The following MYO9A variants were observed in gnomAD, a reference collection of about 807,000 sequenced individuals.
MYO9A encodes the protein unconventional myosin-IXa.
MYO9A carries 103 observed loss-of-function variants against 293.3 expected under a neutral mutation model. The observed-to-expected ratio is 0.35, with a 90% CI of 0.30 to 0.41. The LOEUF is 0.41. Among genes scored for constraint, MYO9A ranks in the 10% least tolerant of loss-of-function variants. The pLI is 1.00. For missense variants in MYO9A, 2,685 were observed against 3,033.0 expected, an observed-to-expected ratio of 0.89 and a Z score of 2.69; for synonymous variants, 1,001 against 1,035.7, an observed-to-expected ratio of 0.97 and a Z score of 0.64.
intron 13 of MYO9A, 33 bp from the exon 14 acceptor site, chr15:71,960,129 G>GAA: frequency 6.4e-7 from 1 of 1,559,282 alleles, no homozygotes; most frequent in Non-Finnish European, 8.8e-7. Context: ...TTACTTATGG[G>GAA]AAAAAAAAAT....
intron 2 of MYO9A, among the ~76,000 whole-genome samples, chr15:72,037,104 G>A (rs1216564142): frequency 6.6e-6 from 1 of 151,564 alleles, no homozygotes; most frequent in African/African-American, 2.4e-5. Context: ...GGTGTCATAA[G>A]GACTTTCTTG....
intron 10 of MYO9A, among the ~76,000 whole-genome samples, chr15:71,991,597 A>G (rs2076543604): frequency 6.6e-6 from 1 of 152,216 alleles, no homozygotes; most frequent in Admixed American, 6.5e-5. Flanking sequence ...ATGAAGGATC[A>G]AGAGAGGTAG....
At chr15:72,046,685 T>G in intron 1 of MYO9A, 51 bp from the exon 2 acceptor site, 2 of 1,230,500 alleles carry the variant, frequency 1.6e-6, no homozygotes, top group Non-Finnish European at 2.2e-6. Flanking sequence ...CATTGCTTTC[T>G]GATGCTCAAG....
chr15:71,926,258 C>G (rs7170461), intron 18 of MYO9A, among the ~76,000 whole-genome samples: 3 of 151,844 alleles, frequency 2.0e-5, no homozygotes, highest in Non-Finnish European at 4.4e-5. Flanking sequence ...GGGGGGCATG[C>G]GCAAGGCATG....
At chr15:71,976,474 G>T (rs1317779232) in intron 12 of MYO9A, among the ~76,000 whole-genome samples, 2 of 151,840 alleles carry the variant, frequency 1.3e-5, no homozygotes, top group Non-Finnish European at 2.9e-5. Flanking sequence ...CTTTTTTCTT[G>T]GATTGTTTCT....
intron 28 of MYO9A, among the ~76,000 whole-genome samples, chr15:71,882,935 G>C (rs986536741): frequency 2.0e-5 from 3 of 152,086 alleles, no homozygotes; most frequent in African/African-American, 7.2e-5. Flanking sequence ...CTCCCAAGTA[G>C]CTGGGACTAC....
chr15:72,064,033 C>T (rs2957752), intron 1 of MYO9A, among the ~76,000 whole-genome samples: 143,203 of 152,264 alleles, frequency 0.94, 67,663 homozygotes, highest in South Asian at 0.99. Flanking sequence ...CTGGAGGATA[C>T]TATGTTAAGC....
intron 2 of MYO9A, among the ~76,000 whole-genome samples, chr15:72,037,448 T>G (rs2078088882): frequency 6.6e-6 from 1 of 152,188 alleles, no homozygotes; most frequent in East Asian, 1.9e-4. Context: ...TGTTTTGAAC[T>G]TGAGGTTCTT....
chr15:71,876,824 G>A (rs1417888125), intron 31 of MYO9A, among the ~76,000 whole-genome samples: 1 of 151,992 alleles, frequency 6.6e-6, no homozygotes, highest in African/African-American at 2.4e-5. Flanking sequence ...GCAACATTTG[G>A]GACACGGAAA....
chr15:71,971,123 T>C (rs1212315559), intron 12 of MYO9A, among the ~76,000 whole-genome samples: 2 of 150,822 alleles, frequency 1.3e-5, no homozygotes, highest in Admixed American at 6.6e-5. Flanking sequence ...ATCGTGCCGC[T>C]GCACTCCAGC....
At position 72,022,948 on chromosome 15, in the gene MYO9A, A is replaced by G. The variant is rs1006423109; in HGVS notation, c.999-1931T>C. ...TACAAAGTAGAAAAAGTATTAATTA[A>G]TAACTGTCCCTGAAAAAACCCAGAC... On this transcript the variant is annotated intron_variant, in intron 4 of 41. Transcript: ENST00000356056. Among the ~76,000 whole-genome samples, 4 of 152,182 alleles carry G rather than the reference A, an allele frequency of 2.6e-5. No homozygotes were observed. The South Asian group carries it at 6.2e-4, about 24-fold the overall frequency.
chr15:71,928,027 A>ATATATATATATATAT (rs2058360113), intron 18 of MYO9A, among the ~76,000 whole-genome samples: 3 of 10,754 alleles, frequency 2.8e-4, no homozygotes, highest in Non-Finnish European at 2.6e-4. Flanking sequence ...ATACCTTTCT[A>ATATATATATATATAT]ATATATATAT....
At chr15:72,009,545 CAA>C (rs35965590) in intron 7 of MYO9A, among the ~76,000 whole-genome samples, 1 of 136,142 alleles carries the variant, frequency 7.3e-6, no homozygotes, top group African/African-American at 2.7e-5. Flanking sequence ...GGCAACATGG[CAA>C]AAAAAAAAAA....
rs756511344 is a variant in MYO9A at position 72,046,132 on chromosome 15, T to C, written c.432A>G (p.Gln144=). ...TACATAAATCATCAAAGTCTTTCTG[T>C]TGAGGCTGTGGAAGAAAACCCCGTT... ...MMERGFLPQP[Q]QKDFDDLCSL... Residue 144 remains glutamine (Q), a synonymous_variant, in exon 2 of 42, where the codon CAA becomes CAG. Transcript: ENST00000356056. The C allele has an allele frequency of 2.2e-5, 35 of 1,614,210 alleles. 1 individual carries two copies. The South Asian group carries it at 3.6e-4, about 17-fold the overall frequency.
At chr15:71,938,589 C>T (rs1665470673) in intron 16 of MYO9A, among the ~76,000 whole-genome samples, 1 of 152,068 alleles carries the variant, frequency 6.6e-6, no homozygotes, top group Non-Finnish European at 1.5e-5. Flanking sequence ...AGGGTCTCAG[C>T]AATTAAAATA....
chr15:72,110,788 TG>T (rs1323313356), intron 1 of MYO9A, among the ~76,000 whole-genome samples: 3 of 152,240 alleles, frequency 2.0e-5, no homozygotes, highest in Non-Finnish European at 4.4e-5. Context: ...GTAGACAGAC[TG>T]CCCTAATATC....
chr15:72,118,084 CCCCGACCCCGCGCA>C lies in MYO9A; in HGVS notation c.-490_-477del. 2.5e-6 allele frequency: 1 copy of C among 393,556 alleles called. No homozygotes were observed. Among genetic ancestry groups the C allele is most frequent in the Non-Finnish European group, 4.5e-6 (1 of 222,776 alleles). 24.4% of individuals were successfully genotyped at this position (393,556 alleles called of 1,614,324 possible). A position where few individuals can be genotyped will look rare whatever the true frequency, so the allele number is the denominator to read the frequency against. ...TCCCTTATCCGCTTCGGTCGCGCGC[CCCCGACCCCGCGCA>C]CGCGGCCCCGCCCCGCGCGACTCCC... On this transcript the variant is annotated 5_prime_UTR_variant, in exon 1 of 42. Transcript: ENST00000356056.
intron 23 of MYO9A, among the ~76,000 whole-genome samples, 168 bp from the exon 24 acceptor site, chr15:71,900,174 C>T (rs1355560910): frequency 6.6e-6 from 1 of 152,108 alleles, no homozygotes; most frequent in African/African-American, 2.4e-5. Flanking sequence ...GTGGCTCATG[C>T]CTGTAATCCC....
intron 11 of MYO9A, among the ~76,000 whole-genome samples, chr15:71,979,809 C>T (rs1174211461): frequency 3.3e-5 from 5 of 152,132 alleles, no homozygotes; most frequent in African/African-American, 7.2e-5. Flanking sequence ...ATCACAAGAA[C>T]GGCTTGTTAA....
Sources: gnomAD v4.1 joint callset for allele counts (sites outside exome capture counted in the v4.1 genomes callset) on GRCh38, gnomAD v4.1.1 for gene constraint, MANE v1.5 for transcripts, NCBI Gene and HGNC (gene_info 2026-07-23, HGNC 2026-07-21) for gene names.